CIC: variants seen among roughly 807,000 people sequenced by gnomAD.
CIC encodes capicua transcriptional repressor, also known as protein capicua homolog.
A neutral mutation model predicts 115.7 loss-of-function variants in CIC; 18 were observed. The observed-to-expected ratio is 0.16, with a 90% CI of 0.11 to 0.23. The LOEUF is 0.23. Among genes scored for constraint, CIC ranks in the 10% least tolerant of loss-of-function variants. CIC has a pLI of 1.00. For synonymous variants in CIC, 1,076 were observed against 923.0 expected, an observed-to-expected ratio of 1.17 and a Z score of -3.01; for missense variants, 2,000 against 2,159.3, an observed-to-expected ratio of 0.93 and a Z score of 1.46.
rs2036852027 is a variant in CIC at position 42,273,214 on chromosome 19, C to A, written c.1431C>A (p.Ala477=). The change falls in exon 2 of 21, where the codon GCC becomes GCA. Residue 477 remains alanine (A), a synonymous_variant. Transcript: ENST00000681038. ...GGGCCCGCACGCCACTGACAGCCGC[C>A]CAGCAGAAGTACAAGAAGGGCGATG... ...AARARTPLTA[A]QQKYKKGDVV... 1 of 398,658 alleles carries A rather than the reference C, an allele frequency of 2.5e-6. No homozygotes were observed. Among genetic ancestry groups the A allele is most frequent in the Non-Finnish European group, 4.4e-6 (1 of 226,064 alleles). The allele number at this position is 398,658 out of a possible 1,614,324, so 24.7% of individuals were successfully genotyped here. A position where few individuals can be genotyped will look rare whatever the true frequency, so the allele number is the denominator to read the frequency against.
upstream of CIC, among the ~76,000 whole-genome samples, chr19:42,268,925 G>A (rs1005956239): frequency 6.6e-6 from 1 of 152,202 alleles, no homozygotes; most frequent in African/African-American, 2.4e-5. Flanking sequence ...AGGCTGCATG[G>A]CGACTGGGTA....
At chr19:42,281,730 C>T (rs1222257985) in intron 2 of CIC, among the ~76,000 whole-genome samples, 4 of 152,236 alleles carry the variant, frequency 2.6e-5, no homozygotes, top group Admixed American at 6.5e-5. Flanking sequence ...CCCGGATTCC[C>T]GCCCCTCCCT....
At chr19:42,281,136 G>T (rs2037226003) in intron 2 of CIC, among the ~76,000 whole-genome samples, 1 of 151,226 alleles carries the variant, frequency 6.6e-6, no homozygotes, top group South Asian at 2.1e-4. Flanking sequence ...GCCGCCCGGG[G>T]TGGGTGGGTG....
chr19:42,272,040 C>G lies in CIC; in HGVS notation c.257C>G (p.Ala86Gly), dbSNP rs549911587. 5 of 398,860 alleles carry G rather than the reference C, an allele frequency of 1.3e-5. 1 individual carries two copies. The South Asian group carries it at 6.4e-4, about 51-fold the overall frequency. 24.7% of individuals were successfully genotyped at this position (398,860 alleles called of 1,614,324 possible). The change falls in exon 2 of 21, where the codon GCT becomes GGT. Residue 86 changes from alanine to glycine, a missense_variant. Ala to Gly is a moderately conservative substitution (Grantham distance 60). This residue lies in a region of CIC where 222 missense variants were observed against 247.7 expected (regional missense o/e 0.90). Transcript: ENST00000681038. The stretch of plus-strand genomic sequence containing the variant: ...CTGGAGCTGCACCCTGGCGACCCGG[C>G]TCCAGGCCCAGCAGAGGACCCCAAA... ...PPLELHPGDP[A>G]PGPAEDPKGD...
Position 42,287,975 on chromosome 19 carries a change from G to A in CIC, c.3658G>A (p.Val1220Met). 6.3e-7 allele frequency: 1 copy of A among 1,588,120 alleles called. No individual in the cohort carries two copies. Among genetic ancestry groups the A allele is most frequent in the Non-Finnish European group, 8.6e-7 (1 of 1,167,834 alleles). Residue 1220 changes from valine (V) to methionine (M), a missense_variant and splice_region_variant, in exon 7 of 21, where the codon GTG becomes ATG. Val to Met is a conservative substitution (Grantham distance 21, BLOSUM62 1). Around this residue, in one of 8 missense-constraint regions of CIC, gnomAD observed 1,466 missense variants for 1,390.4 expected, o/e 1.05. Transcript: ENST00000681038. The surrounding 1 kb of genome is among the most constrained non-coding windows in gnomAD (Gnocchi z 8.7). ...GACGGGCACTGCTGCTGCCCCTGGG[G>A]GTTAGTCAGCCCCTTGGCTCTCCCA... ...SETGTAAAPG[V>M]SSELLSVAAQ...
Position 42,291,702 on chromosome 19 carries a change from C to T in CIC, c.5570C>T (p.Pro1857Leu), listed in dbSNP as rs779425083. 1.2e-6 allele frequency: 2 copies of T among 1,612,868 alleles called. No homozygotes were observed. Among genetic ancestry groups the T allele is most frequent in the Non-Finnish European group, 1.7e-6 (2 of 1,179,996 alleles). ...CAGCCACTGCCACTGGTGAGCCCGC[C>T]CTTCTCAGTACCTGTGCAGAATGGT... ...AGQPLPLVSP[P>L]FSVPVQNGAQ... Residue 1857 changes from proline (P) to leucine (L), a missense_variant, in exon 12 of 21, where the codon CCC (proline) becomes CTC (leucine). This residue lies in a region of CIC where 1,466 missense variants were observed against 1,390.4 expected (regional missense o/e 1.05). Transcript: ENST00000681038.
chr19:42,284,531 C>A (rs2037465669), intron 2 of CIC: 1 of 175,826 alleles, frequency 5.7e-6, no homozygotes, highest in Non-Finnish European at 1.1e-5. Context: ...GCGCGCCCGG[C>A]AGAGACCCCC....
rs1172852171 is a variant in CIC at position 42,273,019 on chromosome 19, C to CCTGCTCCCA, written c.1241_1249dup (p.Leu414_Leu416dup). On this transcript the variant is annotated inframe_insertion, in exon 2 of 21. Transcript: ENST00000681038. The stretch of plus-strand genomic sequence containing the variant: ...ACCCTCCAGCCCTGGGTACCCCAGC[C>CCTGCTCCCA]CTGCTCCCACTGCCCCCACCCCAGC... 2.5e-6 allele frequency: 1 copy of CCTGCTCCCA among 399,172 alleles called. No homozygotes were observed. The highest frequency in any genetic ancestry group is 3.6e-5 in the East Asian group (1 of 28,070). 24.7% of individuals were successfully genotyped at this position (399,172 alleles called of 1,614,324 possible).
upstream of CIC, among the ~76,000 whole-genome samples, chr19:42,268,797 C>T (rs2146976628): frequency 6.6e-6 from 1 of 152,342 alleles, no homozygotes; most frequent in Admixed American, 6.5e-5. Flanking sequence ...TGCGACTAGC[C>T]GGTCAACAAA....
intron 16 of CIC, 29 bp from the exon 17 acceptor site, chr19:42,293,563 C>G (rs372865287): frequency 1.9e-6 from 3 of 1,613,430 alleles, no homozygotes; most frequent in Admixed American, 3.3e-5. Flanking sequence ...GCTCAGTGTT[C>G]GCCATCTCCC....
chr19:42,289,738 C>T (rs1025009625), intron 9 of CIC, 110 bp from the exon 10 acceptor site: 11 of 985,274 alleles, frequency 1.1e-5, no homozygotes, highest in Non-Finnish European at 1.7e-5. Flanking sequence ...CCTTCCTGGA[C>T]AGCACTCCCT....
At position 42,272,838 on chromosome 19, in the gene CIC, C is replaced by T. The variant is rs2036838280; in HGVS notation, c.1055C>T (p.Pro352Leu). Reference protein sequence around the residue: ...PWEPETMLRKPPTGPEEEQAE... With the variant: ...PWEPETMLRKLPTGPEEEQAE... Reference sequence around the variant, plus strand: ...GAACCTGAGACCATGCTGAGGAAGCCCCCTACAGGCCCTGAGGAAGAGCAG... The same window carrying T: ...GAACCTGAGACCATGCTGAGGAAGCTCCCTACAGGCCCTGAGGAAGAGCAG... The change falls in exon 2 of 21, where the codon CCC becomes CTC. Residue 352 changes from proline to leucine, a missense_variant. Physicochemically the swap from Pro to Leu is moderately conservative, Grantham distance 98. Transcript: ENST00000681038. 2.5e-6 allele frequency: 1 copy of T among 399,020 alleles called. No homozygotes were observed. Among genetic ancestry groups the T allele is most frequent in the Non-Finnish European group, 4.4e-6 (1 of 226,488 alleles). The allele number at this position is 399,020 out of a possible 1,614,324, so 24.7% of individuals were successfully genotyped here. A position where few individuals can be genotyped will look rare whatever the true frequency, so the allele number is the denominator to read the frequency against.
intron 8 of CIC, 40 bp from the exon 9 acceptor site, chr19:42,289,141 C>A (rs778191450): frequency 6.2e-7 from 1 of 1,613,060 alleles, no homozygotes; most frequent in Non-Finnish European, 8.5e-7. Flanking sequence ...CTGTCCAGGG[C>A]AGCAGCCCCG....
chr19:42,287,227 G>T lies in CIC; in HGVS notation c.3166G>T (p.Asp1056Tyr). The change falls in exon 4 of 21, where the codon GAC becomes TAC. Residue 1056 changes from aspartate (D) to tyrosine (Y), a missense_variant. By Grantham distance (160) the Asp-to-Tyr change is radical. Transcript: ENST00000681038. This position sits in a 1 kb window ranked among gnomAD's most constrained non-coding sequence, Gnocchi z 8.7. Reference protein sequence around the residue: ...EPRLDSETESDHDDAFLSIMS... With the variant: ...EPRLDSETESYHDDAFLSIMS... Reference sequence around the variant, plus strand: ...CCGGCTGGACAGTGAGACAGAGAGTGACCATGATGATGCGTGAGTTCCCTG... The same window carrying T: ...CCGGCTGGACAGTGAGACAGAGAGTTACCATGATGATGCGTGAGTTCCCTG... 1 of 1,613,904 alleles carries T rather than the reference G, an allele frequency of 6.2e-7. No individual in the cohort carries two copies. Among genetic ancestry groups the T allele is most frequent in the South Asian group, 1.1e-5 (1 of 91,068 alleles).
At chr19:42,269,012 C>T (rs1197926948), upstream of CIC, among the ~76,000 whole-genome samples, 3 of 152,160 alleles carry the variant, frequency 2.0e-5, no homozygotes, top group Non-Finnish European at 4.4e-5. Context: ...AGGGTAGGGC[C>T]CTAGGCAGAT....
rs773304227 is a variant in CIC, at chr19:42,292,644, C to T, written c.5981C>T (p.Ala1994Val). The change falls in exon 15 of 21, where the codon GCA becomes GTA. Residue 1994 changes from alanine to valine, a missense_variant. Ala to Val is a moderately conservative substitution (Grantham distance 64). Transcript: ENST00000681038. ...VPSPQLPPAC[A>V]APGGPVITAF... ...AGTCCCCAGCTGCCGCCTGCCTGTG[C>T]AGCCCCCGGAGGTCCTGTCATAACA... The T allele has an allele frequency of 9.9e-6, 16 of 1,613,748 alleles. No homozygotes were observed. Among genetic ancestry groups the T allele is most frequent in the Non-Finnish European group, 1.2e-5 (14 of 1,179,958 alleles).
chr19:42,288,594 G>A (rs1172858516), intron 7 of CIC, among the ~76,000 whole-genome samples: 1 of 152,168 alleles, frequency 6.6e-6, no homozygotes, highest in East Asian at 1.9e-4. Context: ...TGAGGGAACC[G>A]AGGCTCAGGC....
rs747081316 is a variant in CIC, at chr19:42,292,430, C to A, written c.5866C>A (p.Pro1956Thr). Residue 1956 changes from proline to threonine, a missense_variant, in exon 14 of 21, where the codon CCC becomes ACC. By Grantham distance (38) the Pro-to-Thr change is conservative. Transcript: ENST00000681038. ...SVALGFTSLG[P>T]SGPAFVQPLL... Reference sequence around the variant, plus strand: ...AGCTCTAGGCTTCACCTCGCTGGGGCCCAGCGGCCCCGCCTTCGTGCAGCC... The same window carrying A: ...AGCTCTAGGCTTCACCTCGCTGGGGACCAGCGGCCCCGCCTTCGTGCAGCC... 6 of 1,611,254 alleles carry A rather than the reference C, an allele frequency of 3.7e-6. 1 individual carries two copies. In the South Asian group the frequency reaches 6.6e-5, roughly 18 times the overall value.
intron 10 of CIC, 125 bp downstream of exon 10, chr19:42,290,076 G>C: frequency 7.2e-7 from 1 of 1,384,504 alleles, no homozygotes; most frequent in Non-Finnish European, 1.0e-6. Flanking sequence ...TTGCCCCGTG[G>C]GGAGTTGGGT....
Sources: allele counts gnomAD v4.1 joint callset (sites outside exome capture counted in the v4.1 genomes callset), GRCh38; gene constraint gnomAD v4.1.1; regional missense constraint gnomAD v4.1.1; non-coding constraint Gnocchi (gnomAD v3.1); transcripts MANE v1.5; gene names NCBI Gene and HGNC (gene_info 2026-07-23, HGNC 2026-07-21).